KCNN2: variants seen among roughly 807,000 people sequenced by gnomAD.
KCNN2 encodes the protein small conductance calcium-activated potassium channel protein 2.
KCNN2 carries 24 observed loss-of-function variants against 55.5 expected under a neutral mutation model. That is an observed-to-expected ratio of 0.43 (90% CI 0.31 to 0.61). KCNN2 has a LOEUF of 0.61. Among genes scored for constraint, KCNN2 ranks in the 20% least tolerant of loss-of-function variants. The pLI is 0.08. For synonymous variants in KCNN2, 431 were observed against 336.1 expected (o/e 1.28, Z -3.09); for missense variants, 754 against 853.6 (o/e 0.88, Z 1.45).
intron 4 of KCNN2, among the ~76,000 whole-genome samples, chr5:114,471,271 C>T (rs563632276): frequency 6.6e-6 from 1 of 152,290 alleles, no homozygotes; most frequent in Non-Finnish European, 1.5e-5. Context: ...TAGTGTATTA[C>T]TTGCATGTAA....
At chr5:114,146,671 A>T (rs926477072) in intron 1 of KCNN2, among the ~76,000 whole-genome samples, 2 of 152,170 alleles carry the variant, frequency 1.3e-5, no homozygotes, top group Admixed American at 6.6e-5. Context: ...GTGTTGAGAC[A>T]ATCTCAACAC....
chr5:114,397,877 G>A (rs983000019), intron 2 of KCNN2, among the ~76,000 whole-genome samples: 1 of 151,988 alleles, frequency 6.6e-6, no homozygotes, highest in African/African-American at 2.4e-5. Context: ...TTTTTAATGG[G>A]GTTGTTTGTT....
At chr5:114,458,853 G>T (rs1206522954) in intron 3 of KCNN2, among the ~76,000 whole-genome samples, 1 of 152,170 alleles carries the variant, frequency 6.6e-6, no homozygotes, top group Non-Finnish European at 1.5e-5. Context: ...AGAGAGAAGG[G>T]GGGACGTGTT....
At position 114,239,076 on chromosome 5, in the gene KCNN2, A is replaced by G. The variant is rs532922062; in HGVS notation, c.-185+17511A>G. ...GAGGCCCAAAGATTGCATCAGAAGC[A>G]ATTAAATCATTTTGGGAAGAGTTAG... On this transcript the variant is annotated intron_variant, in intron 2 of 10. Transcript: ENST00000512097. Among the ~76,000 whole-genome samples, 3 of 152,302 alleles carry G rather than the reference A, an allele frequency of 2.0e-5. No individual in the cohort carries two copies. The South Asian group carries it at 6.2e-4, about 32-fold the overall frequency.
intron 1 of KCNN2, among the ~76,000 whole-genome samples, chr5:114,070,143 G>A (rs1322575591): frequency 6.6e-6 from 1 of 152,054 alleles, no homozygotes; most frequent in Admixed American, 6.5e-5. Flanking sequence ...CCCCTATCTT[G>A]TCTTGCTCTG....
At chr5:114,331,643 A>G (rs1422236244) in intron 2 of KCNN2, among the ~76,000 whole-genome samples, 1 of 152,250 alleles carries the variant, frequency 6.6e-6, no homozygotes, top group Non-Finnish European at 1.5e-5. Context: ...CTTTTGAAGC[A>G]CTGATTACAT....
chr5:114,278,825 C>A (rs564442377), intron 2 of KCNN2, among the ~76,000 whole-genome samples: 124 of 152,280 alleles, frequency 8.1e-4, no homozygotes, highest in African/African-American at 2.9e-3. Context: ...TTGTGCTTCC[C>A]GGGTGAGGCA....
Position 114,220,781 on chromosome 5 carries a change from G to T in KCNN2, c.-270-699G>T, listed in dbSNP as rs189369541. On this transcript the variant is annotated intron_variant, in intron 1 of 10. Coordinates refer to the KCNN2 transcript ENST00000512097. ...GTGGAGGTTGCAGTCAGCTGAGATCGTGCCACTGCACTCTAGCCTGCCTGA... is the reference window on the plus strand; with the variant it reads ...GTGGAGGTTGCAGTCAGCTGAGATCTTGCCACTGCACTCTAGCCTGCCTGA... Among the ~76,000 whole-genome samples, 7 of 148,382 alleles carry T rather than the reference G, an allele frequency of 4.7e-5. No homozygotes were observed. The East Asian group carries it at 1.2e-3, about 25-fold the overall frequency.
At position 114,377,267 on chromosome 5, in the gene KCNN2, CTG is replaced by C. The variant is rs1757974005; in HGVS notation, c.1218+13270_1218+13271del. ...TTAGGAATATTCCTGGGAACATCTG[CTG>C]TGTTTTGAGAATACCAGCCACGTCA... On this transcript the variant is annotated intron_variant, in intron 2 of 7. Coordinates refer to ENST00000673685, the MANE Select transcript of KCNN2 (RefSeq NM_021614.4). Among the ~76,000 whole-genome samples the C allele has an allele frequency of 3.3e-5, 5 of 152,136 alleles. No individual in the cohort carries two copies. The South Asian group carries it at 1.0e-3, about 32-fold the overall frequency.
chr5:114,091,968 T>A (rs1751153439), intron 1 of KCNN2, among the ~76,000 whole-genome samples: 1 of 152,194 alleles, frequency 6.6e-6, no homozygotes, highest in African/African-American at 2.4e-5. Flanking sequence ...CCCTGGCCCC[T>A]TCCAAATCTC....
intron 4 of KCNN2, among the ~76,000 whole-genome samples, chr5:114,465,665 C>T (rs1431075780): frequency 1.3e-5 from 2 of 151,674 alleles, no homozygotes; most frequent in Non-Finnish European, 2.9e-5. Context: ...TATGTGGACA[C>T]AAAAATGTTA....
chr5:114,175,526 G>A (rs950989015), intron 1 of KCNN2, among the ~76,000 whole-genome samples: 1 of 152,152 alleles, frequency 6.6e-6, no homozygotes, highest in Non-Finnish European at 1.5e-5. Context: ...TATACTCAAA[G>A]AGAAAGGCCT....
chr5:114,228,167 C>A (rs371109801), intron 2 of KCNN2, among the ~76,000 whole-genome samples: 1 of 152,040 alleles, frequency 6.6e-6, no homozygotes, highest in East Asian at 1.9e-4. Context: ...AAATTTCAGT[C>A]TTGAGATGTC....
At chr5:114,481,533 A>G (rs943813846) in intron 5 of KCNN2, among the ~76,000 whole-genome samples, 2 of 151,636 alleles carry the variant, frequency 1.3e-5, no homozygotes, top group African/African-American at 4.9e-5. Context: ...ACAGAATTAG[A>G]AAAAAAACTA....
chr5:114,200,417 T>A, intron 1 of KCNN2, among the ~76,000 whole-genome samples: 1 of 152,068 alleles, frequency 6.6e-6, no homozygotes, highest in East Asian at 1.9e-4. Context: ...GCATCCTGGA[T>A]TGATTTTCCT....
At chr5:114,342,062 T>C (rs904416501) in intron 2 of KCNN2, among the ~76,000 whole-genome samples, 3 of 152,012 alleles carry the variant, frequency 2.0e-5, no homozygotes, top group Admixed American at 6.6e-5. Flanking sequence ...CCACCATGCC[T>C]GGCTAATTTT....
chr5:114,391,068 AG>A (rs1329865616), intron 2 of KCNN2, among the ~76,000 whole-genome samples: 1 of 152,148 alleles, frequency 6.6e-6, no homozygotes, highest in Non-Finnish European at 1.5e-5. Context: ...CTAAGTCAGG[AG>A]AAGACAATTT....
At chr5:114,151,649 T>C (rs902440385) in intron 1 of KCNN2, among the ~76,000 whole-genome samples, 1 of 152,068 alleles carries the variant, frequency 6.6e-6, no homozygotes, top group African/African-American at 2.4e-5. Context: ...AGGTTAGTGA[T>C]TTTTTTTAAA....
intron 1 of KCNN2, among the ~76,000 whole-genome samples, chr5:114,070,454 C>T (rs1170418095): frequency 1.3e-5 from 2 of 152,142 alleles, no homozygotes; most frequent in Non-Finnish European, 2.9e-5. Flanking sequence ...CGCATTATTC[C>T]TTCAAGAGCT....
Sources: allele counts gnomAD v4.1 joint callset (sites outside exome capture counted in the v4.1 genomes callset), GRCh38; gene constraint gnomAD v4.1.1; transcripts MANE v1.5; gene names NCBI Gene and HGNC (gene_info 2026-07-23, HGNC 2026-07-21).